ITGB3: variants seen among roughly 807,000 people sequenced by gnomAD.
ITGB3 encodes the protein integrin beta-3.
Under a neutral mutation model 85.8 loss-of-function variants are expected in ITGB3, and 48 were observed. That is an observed-to-expected ratio of 0.56 (90% CI 0.44 to 0.71). ITGB3 has a LOEUF of 0.71. Among genes scored for constraint, ITGB3 ranks in the 30% least tolerant of loss-of-function variants. The pLI is 0.00. For missense variants in ITGB3, 861 were observed against 1,019.1 expected, an observed-to-expected ratio of 0.84 and a Z score of 2.11; for synonymous variants, 363 against 395.6, an observed-to-expected ratio of 0.92 and a Z score of 0.98.
chr17:47,303,289 A>T (rs1033485588), intron 13 of ITGB3, among the ~76,000 whole-genome samples: 1 of 151,984 alleles, frequency 6.6e-6, no homozygotes, highest in Non-Finnish European at 1.5e-5. Flanking sequence ...AAAAAAAACG[A>T]TAAGTTAGGG....
intron 13 of ITGB3, chr17:47,305,538 G>A (rs2065184475): frequency 6.6e-6 from 1 of 152,230 alleles, no homozygotes; most frequent in African/African-American, 2.4e-5. Flanking sequence ...TTTGTGGGAA[G>A]CAGAGCTCTG....
intron 1 of ITGB3, among the ~76,000 whole-genome samples, chr17:47,272,665 C>CTTTCTT (rs1567761334): frequency 6.6e-6 from 1 of 150,584 alleles, no homozygotes; most frequent in East Asian, 2.0e-4. Flanking sequence ...TTTATGTAAT[C>CTTTCTT]TTTCTTTCTT....
chr17:47,286,384 GGT>G lies in ITGB3; in HGVS notation c.741_742del (p.Gly248LeufsTer2), dbSNP rs1418385942. On this transcript the variant is annotated frameshift_variant, in exon 5 of 15. Transcript: ENST00000559488. LOFTEE classifies it high-confidence loss of function. ...SVSRNRDAPE[G>X]GFDAIMQATV... ...GTCACGGAACCGAGATGCCCCAGAG[GGT>G]GGCTTTGATGCCATCATGCAGGCTA... 6.2e-7 allele frequency: 1 copy of G among 1,614,206 alleles called. No individual in the cohort carries two copies. Among genetic ancestry groups the G allele is most frequent in the Non-Finnish European group, 8.5e-7 (1 of 1,180,032 alleles).
chr17:47,285,924 G>A (rs1329004516), intron 4 of ITGB3, among the ~76,000 whole-genome samples: 2 of 152,142 alleles, frequency 1.3e-5, no homozygotes, highest in Non-Finnish European at 1.5e-5. Flanking sequence ...CAACTCTTAT[G>A]GGATATGTGC....
intron 13 of ITGB3, among the ~76,000 whole-genome samples, chr17:47,304,354 G>C (rs913278486): frequency 2.0e-5 from 3 of 152,216 alleles, no homozygotes; most frequent in Non-Finnish European, 4.4e-5. Flanking sequence ...TCTTGCAGAT[G>C]CTCTCTTTGA....
intron 1 of ITGB3, among the ~76,000 whole-genome samples, chr17:47,264,785 A>G (rs1297815215): frequency 1.3e-5 from 2 of 152,148 alleles, no homozygotes; most frequent in Non-Finnish European, 2.9e-5. Flanking sequence ...ACTCTTTAAC[A>G]TCATTTTGAA....
At chr17:47,308,688 G>A (rs2065200035) in intron 14 of ITGB3, among the ~76,000 whole-genome samples, 2 of 152,048 alleles carry the variant, frequency 1.3e-5, no homozygotes, top group African/African-American at 2.4e-5. Flanking sequence ...TTTTAGTAGC[G>A]ACGGGGTTTC....
In ITGB3 at chr17:47,253,878, G is replaced by A. The variant is rs762907751; in HGVS notation, c.17G>A (p.Arg6Gln). The A allele has an allele frequency of 7.2e-6, 9 of 1,256,870 alleles. No homozygotes were observed. In the South Asian group the frequency reaches 1.6e-4, roughly 22 times the overall value. 77.9% of individuals were successfully genotyped at this position (1,256,870 alleles called of 1,614,324 possible). The change falls in exon 1 of 15, where the codon CGG (arginine) becomes CAG (glutamine). Residue 6 changes from arginine to glutamine, a missense_variant. Transcript: ENST00000559488. ...GCGGACGAGATGCGAGCGCGGCCGC[G>A]GCCCCGGCCGCTCTGGGCGACTGTG... MRARP[R>Q]PRPLWATVLA...
chr17:47,295,749 G>T (rs572248458), intron 10 of ITGB3, among the ~76,000 whole-genome samples: 2 of 138,172 alleles, frequency 1.4e-5, no homozygotes, highest in Non-Finnish European at 3.1e-5. Context: ...GTGGCCAAAT[G>T]CAGGGTGTAG....
rs758633284 is a variant in ITGB3 at position 47,286,369 on chromosome 17, C to T, written c.724C>T (p.Arg242Ter). Residue 242 changes from arginine (R) to a stop codon, truncating the protein, a stop_gained, in exon 5 of 15, where the codon CGA (arginine) becomes TGA (stop). Coordinates refer to ENST00000559488, the MANE Select transcript of ITGB3 (RefSeq NM_000212.3). LOFTEE classifies it high-confidence loss of function. ...EVKKQSVSRN[R>*]DAPEGGFDAI... is the part of the protein sequence containing the mutation. The stretch of plus-strand genomic sequence containing the variant: ...GAAGAAGCAGAGTGTGTCACGGAAC[C>T]GAGATGCCCCAGAGGGTGGCTTTGA... 9 of 1,614,042 alleles carry T rather than the reference C, an allele frequency of 5.6e-6. No individual in the cohort carries two copies. The highest frequency in any genetic ancestry group is 2.2e-5 in the East Asian group (1 of 44,900).
intron 6 of ITGB3, among the ~76,000 whole-genome samples, chr17:47,288,151 G>T (rs1341045655): frequency 1.3e-5 from 2 of 151,270 alleles, no homozygotes; most frequent in African/African-American, 4.9e-5. Flanking sequence ...GCCTCCCAAA[G>T]TGCTGGGATT....
At position 47,283,452 on chromosome 17, in the gene ITGB3, A is replaced by C. The variant is rs368522164; in HGVS notation, c.264A>C (p.Arg88=). ...ESIEFPVSEA[R]VLEDRPLSDK... is the part of the protein sequence containing the mutation. ...TCGAGTTCCCAGTGAGTGAGGCCCG[A>C]GTACTAGAGGACAGGCCCCTCAGCG... The change falls in exon 3 of 15, where the codon CGA becomes CGC. Residue 88 remains arginine (R), a synonymous_variant. Transcript: ENST00000559488. The C allele has an allele frequency of 6.2e-7, 1 of 1,614,192 alleles. No individual in the cohort carries two copies. Among genetic ancestry groups the C allele is most frequent in the Non-Finnish European group, 8.5e-7 (1 of 1,180,024 alleles).
intron 13 of ITGB3, among the ~76,000 whole-genome samples, chr17:47,306,911 C>T (rs1265320652): frequency 7.9e-5 from 12 of 152,274 alleles, no homozygotes; most frequent in African/African-American, 2.9e-4. Context: ...AACTCCTGAC[C>T]TCAGGTGCTC....
chr17:47,292,041 A>G (rs903799464), intron 9 of ITGB3, 98 bp from the exon 10 acceptor site: 12 of 1,251,586 alleles, frequency 9.6e-6, no homozygotes, highest in African/African-American at 2.9e-5. Flanking sequence ...CAATTTGGGT[A>G]TTCCTTGGCA....
chr17:47,300,760 C>T (rs1025867101), intron 12 of ITGB3, among the ~76,000 whole-genome samples, 182 bp downstream of exon 12: 5 of 152,142 alleles, frequency 3.3e-5, no homozygotes, highest in African/African-American at 9.7e-5. Context: ...AGTTGTCCTC[C>T]TCTCTTACTA....
chr17:47,296,860 G>A (rs1336926297), intron 10 of ITGB3, among the ~76,000 whole-genome samples: 1 of 152,168 alleles, frequency 6.6e-6, no homozygotes, highest in Non-Finnish European at 1.5e-5. Context: ...CCTGGAGAAG[G>A]GGAGATGACT....
chr17:47,284,795 T>G, intron 4 of ITGB3, 100 bp downstream of exon 4: 1 of 1,505,330 alleles, frequency 6.6e-7, no homozygotes, highest in Non-Finnish European at 9.2e-7. Flanking sequence ...GTTGGCTGTC[T>G]TCTTGCCAAA....
At chr17:47,259,030 T>G (rs1414698633) in intron 1 of ITGB3, among the ~76,000 whole-genome samples, 1 of 152,242 alleles carries the variant, frequency 6.6e-6, no homozygotes, top group African/African-American at 2.4e-5. Context: ...CGTTAAACTT[T>G]GGAGGTGCTC....
At position 47,292,435 on chromosome 17, in the gene ITGB3, C is replaced by G. The variant is rs371103774; in HGVS notation, c.1557C>G (p.Pro519=). 7.5e-6 allele frequency: 12 copies of G among 1,609,638 alleles called. No homozygotes were observed. Among genetic ancestry groups the G allele is most frequent in the Non-Finnish European group, 1.0e-5 (12 of 1,176,448 alleles). ...QDECSPREGQ[P]VCSQRGECLC... is the part of the protein sequence containing the mutation. ...AATGCAGCCCCCGGGAGGGTCAGCC[C>G]GTCTGCAGCCAGCGGGGCGAGTGCC... Residue 519 remains proline, a synonymous_variant, in exon 10 of 15, where the codon CCC becomes CCG. Coordinates refer to ENST00000559488, the MANE Select transcript of ITGB3 (RefSeq NM_000212.3).
Sources: gnomAD v4.1 joint callset for allele counts (sites outside exome capture counted in the v4.1 genomes callset) on GRCh38, gnomAD v4.1.1 for gene constraint, MANE v1.5 for transcripts, NCBI Gene and HGNC (gene_info 2026-07-23, HGNC 2026-07-21) for gene names.